Variants in ATAD1 observed in about 807,000 individuals in gnomAD.
The protein encoded by ATAD1 is ATPase family AAA domain containing 1.
In ATAD1, 18 loss-of-function variants were observed where a neutral mutation model predicts 42.7. That is an observed-to-expected ratio of 0.42 (90% CI 0.29 to 0.63). ATAD1 has a LOEUF of 0.63. Ranked by LOEUF, ATAD1 falls within the 20% of genes least tolerant of loss-of-function variation. The pLI, the probability that ATAD1 is intolerant of heterozygous loss-of-function variation, is 0.19. For missense variants in ATAD1, 294 were observed against 440.4 expected (o/e 0.67, Z 2.98); for synonymous variants, 132 against 143.1 (o/e 0.92, Z 0.55).
At chr10:87,780,059 C>A (rs930962649) in intron 5 of ATAD1, among the ~76,000 whole-genome samples, 1 of 152,156 alleles carries the variant, frequency 6.6e-6, no homozygotes, top group Non-Finnish European at 1.5e-5. Context: ...TTGCCCAAAA[C>A]AAGGTGTCAT....
At chr10:87,792,826 G>T in intron 2 of ATAD1, 71 bp from the exon 3 acceptor site, 1 of 1,153,636 alleles carries the variant, frequency 8.7e-7, no homozygotes, top group African/African-American at 1.5e-5. Flanking sequence ...ATAGATATAT[G>T]TGAAGTCTAA....
chr10:87,756,589 C>T (rs929703410), intron 9 of ATAD1, among the ~76,000 whole-genome samples, 200 bp downstream of exon 9: 1 of 152,170 alleles, frequency 6.6e-6, no homozygotes, highest in African/African-American at 2.4e-5. Context: ...ATTCTAGACC[C>T]TTCCCACAAT....
intron 1 of ATAD1, among the ~76,000 whole-genome samples, chr10:87,825,542 C>T (rs1263865043): frequency 6.6e-6 from 1 of 152,142 alleles, no homozygotes; most frequent in African/African-American, 2.4e-5. Flanking sequence ...ATCTCCTGAC[C>T]TCATGATCCG....
At chr10:87,839,896 C>T (rs1337929235) in intron 1 of ATAD1, among the ~76,000 whole-genome samples, 2 of 152,196 alleles carry the variant, frequency 1.3e-5, no homozygotes, top group Non-Finnish European at 2.9e-5. Flanking sequence ...TTGTATGCTG[C>T]CTTCCTATTC....
chr10:87,767,299 A>G (rs937200461), intron 8 of ATAD1, among the ~76,000 whole-genome samples: 2 of 151,942 alleles, frequency 1.3e-5, no homozygotes, highest in African/African-American at 4.8e-5. Flanking sequence ...GTGGAAGACA[A>G]TTTTTCCACA....
intron 7 of ATAD1, among the ~76,000 whole-genome samples, chr10:87,770,561 T>C (rs528061313): frequency 6.0e-4 from 92 of 152,306 alleles, no homozygotes; most frequent in Non-Finnish European, 1.1e-3. Flanking sequence ...TAAATCCCTG[T>C]TGTTGTTCAT....
At chr10:87,820,423 GT>G (rs1564787324), upstream of ATAD1, among the ~76,000 whole-genome samples, 3 of 152,188 alleles carry the variant, frequency 2.0e-5, no homozygotes, top group African/African-American at 7.2e-5. Context: ...AGCCTACCCA[GT>G]TTCAGTTTGC....
chr10:87,765,094 C>T (rs1299362786), intron 8 of ATAD1, among the ~76,000 whole-genome samples: 1 of 151,666 alleles, frequency 6.6e-6, no homozygotes, highest in East Asian at 1.9e-4. Context: ...TTTAGAGATA[C>T]AACTAAAACA....
chr10:87,831,941 G>C (rs1857837592), intron 1 of ATAD1, among the ~76,000 whole-genome samples: 2 of 152,092 alleles, frequency 1.3e-5, no homozygotes, highest in South Asian at 4.1e-4. Context: ...GCACAGAGAA[G>C]TTAAGTAACT....
At chr10:87,768,064 A>G (rs186375394) in intron 7 of ATAD1, among the ~76,000 whole-genome samples, 11 of 152,282 alleles carry the variant, frequency 7.2e-5, no homozygotes, top group Middle Eastern at 3.4e-3. Flanking sequence ...CATGCAGGAA[A>G]CTCATGAAAA....
intron 7 of ATAD1, among the ~76,000 whole-genome samples, chr10:87,770,592 C>G (rs1204284811): frequency 6.6e-6 from 1 of 152,174 alleles, no homozygotes; most frequent in Non-Finnish European, 1.5e-5. Context: ...CTGAATAGAA[C>G]AATTCTTCAA....
rs1854098354 is a variant in ATAD1 at position 87,753,515 on chromosome 10, G to C, written c.*1172C>G. On this transcript the variant is annotated 3_prime_UTR_variant, in exon 10 of 10. Coordinates refer to ENST00000680024, the MANE Select transcript of ATAD1 (RefSeq NM_001321967.2). ...GTTAGGTGCCTATAACAGAATTCTG[G>C]TTAGTAAAATTTTGAAAAAAATTCA... 6.6e-6 allele frequency: 1 copy of C among 152,168 alleles called. No homozygotes were observed. Among genetic ancestry groups the C allele is most frequent in the Non-Finnish European group, 1.5e-5 (1 of 68,002 alleles). The allele number at this position is 152,168 out of a possible 1,614,324, so 9.4% of individuals were successfully genotyped here. A position where few individuals can be genotyped will look rare whatever the true frequency, so the allele number is the denominator to read the frequency against.
chr10:87,826,287 G>T (rs544744090), intron 1 of ATAD1, among the ~76,000 whole-genome samples: 4 of 152,276 alleles, frequency 2.6e-5, no homozygotes, highest in African/African-American at 9.6e-5. Flanking sequence ...TAGTATACCT[G>T]ATAGATTTCA....
At chr10:87,758,042 A>C (rs924548165) in intron 8 of ATAD1, among the ~76,000 whole-genome samples, 10 of 152,232 alleles carry the variant, frequency 6.6e-5, no homozygotes, top group Non-Finnish European at 1.2e-4. Context: ...ACATGGATAA[A>C]TCTAAATAAA....
At chr10:87,781,780 C>A (rs556864887) in intron 5 of ATAD1, among the ~76,000 whole-genome samples, 1 of 152,094 alleles carries the variant, frequency 6.6e-6, no homozygotes, top group South Asian at 2.1e-4. Context: ...GTAGCTGGGA[C>A]TAGAGGCATG....
At chr10:87,833,727 CTTTTTTTT>C (rs3033524) in intron 1 of ATAD1, among the ~76,000 whole-genome samples, 1 of 100,768 alleles carries the variant, frequency 9.9e-6, no homozygotes, top group African/African-American at 3.9e-5. Flanking sequence ...TCTTTCTTTC[CTTTTTTTT>C]TTTTTTTTTT....
At chr10:87,803,598 C>T (rs762120776) in intron 2 of ATAD1, among the ~76,000 whole-genome samples, 12 of 152,194 alleles carry the variant, frequency 7.9e-5, no homozygotes, top group African/African-American at 1.4e-4. Context: ...CCAGCTGGAC[C>T]GAACCAATGT....
At chr10:87,810,922 A>T (rs1260749875) in intron 2 of ATAD1, among the ~76,000 whole-genome samples, 1 of 152,220 alleles carries the variant, frequency 6.6e-6, no homozygotes, top group Admixed American at 6.5e-5. Flanking sequence ...TAAAAACAGA[A>T]TTCAGCAAAT....
chr10:87,757,815 G>A (rs1854292508), intron 8 of ATAD1, among the ~76,000 whole-genome samples: 1 of 152,120 alleles, frequency 6.6e-6, no homozygotes, highest in Admixed American at 6.6e-5. Flanking sequence ...ATACGTGGAA[G>A]ACACAGTGTT....
Sources: gnomAD v4.1 joint callset for allele counts (sites outside exome capture counted in the v4.1 genomes callset) on GRCh38, gnomAD v4.1.1 for gene constraint, MANE v1.5 for transcripts, NCBI Gene and HGNC (gene_info 2026-07-23, HGNC 2026-07-21) for gene names.